Variants in BRWD1 observed in about 807,000 individuals in gnomAD.
The protein encoded by BRWD1 is bromodomain and WD repeat domain containing 1, also known as bromodomain and WD repeat-containing protein 1.
BRWD1 carries 82 observed loss-of-function variants against 251.2 expected under a neutral mutation model. The ratio of observed to expected loss-of-function variants is 0.33; its 90% confidence interval spans 0.27 to 0.39. The LOEUF is 0.39. Among genes scored for constraint, BRWD1 ranks in the 10% least tolerant of loss-of-function variants. The pLI is 1.00. For missense variants in BRWD1, 2,233 were observed against 2,711.6 expected, an observed-to-expected ratio of 0.82 and a Z score of 3.92; for synonymous variants, 918 against 902.8, an observed-to-expected ratio of 1.02 and a Z score of -0.30.
At chr21:39,319,582 C>G (rs932250710) in intron 1 of BRWD1, among the ~76,000 whole-genome samples, 1 of 152,150 alleles carries the variant, frequency 6.6e-6, no homozygotes, top group African/African-American at 2.4e-5. Context: ...CAACTAATAA[C>G]ATTTATTGGA....
upstream of BRWD1, chr21:39,315,634 C>CA (rs534960372): frequency 0.3 from 40,758 of 138,036 alleles, 6,174 homozygotes; most frequent in Non-Finnish European, 0.37. Context: ...ACTCCGTCTC[C>CA]AAAAAAAAAA....
chr21:39,278,931 C>T (rs998141852), intron 9 of BRWD1, 118 bp from the exon 10 acceptor site: 3 of 786,388 alleles, frequency 3.8e-6, no homozygotes, highest in Non-Finnish European at 5.5e-6. Context: ...GACAGGGTCT[C>T]GCCATGTTGC....
In BRWD1 at chr21:39,277,351, C is replaced by A; in HGVS notation, c.1004G>T (p.Gly335Val). 3 of 1,569,518 alleles carry A rather than the reference C, an allele frequency of 1.9e-6. No homozygotes were observed. Among genetic ancestry groups the A allele is most frequent in the African/African-American group, 1.4e-5 (1 of 73,258 alleles). ...ACTACCTGTGGCTAAAAACATACCA[C>A]CTGAAATAAAAATGGTAAGGTTTAA... ...VQMLCSSFSV[G>V]GMFLATGSTD... Residue 335 changes from glycine (G) to valine (V), a missense_variant and splice_region_variant, in exon 11 of 41, where the codon GGT (glycine) becomes GTT (valine). Coordinates refer to ENST00000342449, the MANE Select transcript of BRWD1 (RefSeq NM_033656.4).
chr21:39,187,666 T>G lies in BRWD1; in HGVS notation c.*8593A>C, dbSNP rs2031320132. On this transcript the variant is annotated 3_prime_UTR_variant, in exon 41 of 41. Transcript: ENST00000342449. ...TTGTAAGAATGGGGTGAAAAGTTCC[T>G]TCAGCATCGGCATCATAAAGCTGCT... 1 of 985,282 alleles carries G rather than the reference T, an allele frequency of 1.0e-6. No homozygotes were observed. 61.0% of individuals were successfully genotyped at this position (985,282 alleles called of 1,614,324 possible).
At chr21:39,301,684 GT>G (rs2036117158) in intron 4 of BRWD1, among the ~76,000 whole-genome samples, 1 of 152,120 alleles carries the variant, frequency 6.6e-6, no homozygotes, top group Non-Finnish European at 1.5e-5. Context: ...AATTAGTGTA[GT>G]TTTAAGCTGC....
intron 21 of BRWD1, among the ~76,000 whole-genome samples, chr21:39,247,088 A>T (rs530864294): frequency 0.015 from 2,312 of 152,196 alleles, 58 homozygotes; most frequent in African/African-American, 0.053. Flanking sequence ...AAAAAAAAAA[A>T]AGGGCCCATT....
intron 8 of BRWD1, among the ~76,000 whole-genome samples, chr21:39,282,333 AAAGT>A (rs1167902349): frequency 3.3e-5 from 5 of 152,196 alleles, no homozygotes; most frequent in Non-Finnish European, 5.9e-5. Context: ...AACAGAAAGC[AAAGT>A]AAGGAAGAAA....
intron 6 of BRWD1, 83 bp downstream of exon 6, chr21:39,296,182 A>C: frequency 8.6e-7 from 1 of 1,159,514 alleles, no homozygotes; most frequent in Non-Finnish European, 1.2e-6. Flanking sequence ...ATTTCCTTTT[A>C]AATTTTAATA....
intron 5 of BRWD1, chr21:39,296,859 C>T: frequency 1.0e-6 from 1 of 979,884 alleles, no homozygotes; most frequent in Non-Finnish European, 1.2e-6. Context: ...ACTGATCCAA[C>T]TTTTCAAAAA....
chr21:39,295,824 T>A lies in BRWD1; in HGVS notation c.528A>T (p.Ile176=), dbSNP rs773703143. The part of the protein sequence containing the change: ...TAFPGTMYQH[I]KMHRRILGHL... ...GTCCGAGAATCCTTCTGTGCATTTT[T>A]ATATGCTGATACATAGTTCCTGGAA... Residue 176 remains isoleucine, a synonymous_variant, in exon 7 of 41, where the codon ATA becomes ATT. Coordinates refer to ENST00000342449, the MANE Select transcript of BRWD1 (RefSeq NM_033656.4). 1 of 1,612,346 alleles carries A rather than the reference T, an allele frequency of 6.2e-7. No homozygotes were observed. Among genetic ancestry groups the A allele is most frequent in the South Asian group, 1.1e-5 (1 of 90,806 alleles).
chr21:39,284,510 C>T (rs1393273794), intron 8 of BRWD1, among the ~76,000 whole-genome samples: 1 of 151,776 alleles, frequency 6.6e-6, no homozygotes, highest in Admixed American at 6.6e-5. Context: ...ATACTGTTTC[C>T]CATAATAGTT....
chr21:39,200,362 G>A lies in BRWD1; in HGVS notation c.4610C>T (p.Ala1537Val). The A allele has an allele frequency of 6.2e-7, 1 of 1,612,244 alleles. No homozygotes were observed. The highest frequency in any genetic ancestry group is 1.1e-5 in the South Asian group (1 of 90,628). Reference sequence around the variant, plus strand: ...GGAAGCTGACGATGACAAAGAGGTAGCTAAAGAATCTTCCACTTCACTTTC... The same window carrying A: ...GGAAGCTGACGATGACAAAGAGGTAACTAAAGAATCTTCCACTTCACTTTC... ...LSESEVEDSL[A>V]TSLSSSASSS... The change falls in exon 39 of 41, where the codon GCT (alanine) becomes GTT (valine). Residue 1537 changes from alanine (A) to valine (V), a missense_variant. Ala to Val is a moderately conservative substitution (Grantham distance 64, BLOSUM62 0). Transcript: ENST00000342449.
chr21:39,207,280 C>A (rs1266757292), intron 36 of BRWD1, among the ~76,000 whole-genome samples: 1 of 151,886 alleles, frequency 6.6e-6, no homozygotes, highest in East Asian at 1.9e-4. Flanking sequence ...ACTAAAAATA[C>A]AATAATTAGC....
intron 4 of BRWD1, among the ~76,000 whole-genome samples, chr21:39,312,115 A>G (rs547067298): frequency 6.6e-6 from 1 of 152,362 alleles, no homozygotes; most frequent in East Asian, 1.9e-4. Flanking sequence ...AACTATAGAT[A>G]AAAGCAAGTT....
rs1253593595 is a variant in BRWD1 at position 39,187,052 on chromosome 21, T to C, written c.*9207A>G. On this transcript the variant is annotated 3_prime_UTR_variant, in exon 41 of 41. Transcript: ENST00000342449. ...TATTGTGCATTTTCTTTCCAGGATC[T>C]GAACCCCCTTAAAAAAAGCATTTTT... 3.2e-6 allele frequency: 5 copies of C among 1,579,392 alleles called. No homozygotes were observed. The Admixed American group carries it at 9.6e-5, about 30-fold the overall frequency.
intron 7 of BRWD1, among the ~76,000 whole-genome samples, chr21:39,294,811 A>G (rs1304551639): frequency 6.6e-6 from 1 of 152,220 alleles, no homozygotes; most frequent in African/African-American, 2.4e-5. Flanking sequence ...TCACGAACAC[A>G]GTCTCAAGTT....
At chr21:39,249,684 T>C (rs1244195594) in intron 20 of BRWD1, among the ~76,000 whole-genome samples, 1 of 152,342 alleles carries the variant, frequency 6.6e-6, no homozygotes, top group East Asian at 1.9e-4. Context: ...TATCACTGGA[T>C]GATCTTAAAA....
rs1309206054 is a variant in BRWD1, at chr21:39,189,012, T to C, written c.*7247A>G. ...GCTTAAAGTGCACTGTGTTTACCAC[T>C]TCAAAGACACTTCTCTTGGGAATTT... On this transcript the variant is annotated 3_prime_UTR_variant, in exon 41 of 41. Coordinates refer to ENST00000342449, the MANE Select transcript of BRWD1 (RefSeq NM_033656.4). 1.0e-6 allele frequency: 1 copy of C among 985,262 alleles called. No individual in the cohort carries two copies. Among genetic ancestry groups the C allele is most frequent in the Non-Finnish European group, 1.2e-6 (1 of 829,912 alleles). 61.0% of individuals were successfully genotyped at this position (985,262 alleles called of 1,614,324 possible).
chr21:39,196,538 T>G lies in BRWD1; in HGVS notation c.6531A>C (p.Lys2177Asn), dbSNP rs1224551303. The change falls in exon 41 of 41, where the codon AAA becomes AAC. Residue 2177 changes from lysine to asparagine, a missense_variant. By Grantham distance (94) the Lys-to-Asn change is moderately conservative. Transcript: ENST00000342449. The part of the protein sequence containing the change: ...DIDCTDNTKT[K>N]RRKTKGKAKV... ...TTGCTTTTCCTTTCGTTTTCCTCCT[T>G]TTGGTTTTTGTATTATCAGTACAGT... 1 of 1,613,634 alleles carries G rather than the reference T, an allele frequency of 6.2e-7. No homozygotes were observed. Among genetic ancestry groups the G allele is most frequent in the Non-Finnish European group, 8.5e-7 (1 of 1,179,774 alleles).
Sources: gnomAD v4.1 joint callset for allele counts (sites outside exome capture counted in the v4.1 genomes callset) on GRCh38, gnomAD v4.1.1 for gene constraint, MANE v1.5 for transcripts, NCBI Gene and HGNC (gene_info 2026-07-23, HGNC 2026-07-21) for gene names.